The following GRM3 variants were observed in gnomAD, a reference collection of about 807,000 sequenced individuals.
GRM3 encodes metabotropic glutamate receptor 3.
Under a neutral mutation model 70.5 loss-of-function variants are expected in GRM3, and 26 were observed. That is an observed-to-expected ratio of 0.37 (90% CI 0.27 to 0.51). The LOEUF is 0.51. Ranked by LOEUF, GRM3 falls within the 20% of genes least tolerant of loss-of-function variation. The probability of loss-of-function intolerance (pLI) is 0.93; values close to 1 mark genes in which losing one functional copy is unlikely to be tolerated. For missense variants in GRM3, 859 were observed against 1,123.8 expected (o/e 0.76, Z 3.37); for synonymous variants, 443 against 434.9 (o/e 1.02, Z -0.23).
At chr7:86,670,888 T>C (rs1362200587) in intron 1 of GRM3, among the ~76,000 whole-genome samples, 1 of 152,208 alleles carries the variant, frequency 6.6e-6, no homozygotes, top group Admixed American at 6.6e-5. Flanking sequence ...TACTGTGTTT[T>C]CTTGACCTTT....
At chr7:86,748,277 C>T (rs376670297) in intron 1 of GRM3, among the ~76,000 whole-genome samples, 1 of 152,008 alleles carries the variant, frequency 6.6e-6, no homozygotes, top group African/African-American at 2.4e-5. Flanking sequence ...ACCCTTGACT[C>T]TTTATTTAAC....
At chr7:86,821,696 GGT>G (rs1798123770) in intron 3 of GRM3, among the ~76,000 whole-genome samples, 2 of 152,206 alleles carry the variant, frequency 1.3e-5, no homozygotes, top group Admixed American at 6.5e-5. Context: ...ATTCCTCGAA[GGT>G]GAATCATATT....
At position 86,787,037 on chromosome 7, in the gene GRM3, T is replaced by C. The variant is rs377736902; in HGVS notation, c.1245T>C (p.Thr415=). 6.4e-5 allele frequency: 104 copies of C among 1,613,204 alleles called. No individual in the cohort carries two copies. Among genetic ancestry groups the C allele is most frequent in the Non-Finnish European group, 8.7e-5 (103 of 1,179,522 alleles). ...TGCAGCGCACCCTCTGTCCCAACAC[T>C]ACCAAGCTTTGTGATGCTATGAAGA... is the stretch of plus-strand genomic sequence containing the variant. ...HKMQRTLCPN[T]TKLCDAMKIL... The change falls in exon 3 of 6, where the codon ACT becomes ACC. Residue 415 remains threonine (T), a synonymous_variant. Transcript: ENST00000361669.
chr7:86,807,401 T>C (rs1053400629), intron 3 of GRM3, among the ~76,000 whole-genome samples: 1 of 147,190 alleles, frequency 6.8e-6, no homozygotes, highest in South Asian at 2.1e-4. Context: ...TCCATTTGTT[T>C]GTGTCCTCTT....
chr7:86,729,872 C>CCT (rs1175124017), intron 1 of GRM3, among the ~76,000 whole-genome samples: 1 of 152,104 alleles, frequency 6.6e-6, no homozygotes, highest in Non-Finnish European at 1.5e-5. Context: ...CTTTGGGAGG[C>CCT]TGAGGTGGGT....
intron 2 of GRM3, among the ~76,000 whole-genome samples, chr7:86,770,307 T>C (rs1584228439): frequency 2.6e-5 from 4 of 152,074 alleles, no homozygotes; most frequent in African/African-American, 7.2e-5. Flanking sequence ...GTTAAGCTCA[T>C]AGAAAGGGCA....
chr7:86,724,125 A>G (rs936793581), intron 1 of GRM3, among the ~76,000 whole-genome samples: 1 of 152,192 alleles, frequency 6.6e-6, no homozygotes, highest in Non-Finnish European at 1.5e-5. Context: ...ACGCTTTCCA[A>G]TAACATGAGC....
At chr7:86,721,820 T>C (rs1399653887) in intron 1 of GRM3, among the ~76,000 whole-genome samples, 10 of 152,092 alleles carry the variant, frequency 6.6e-5, no homozygotes, top group Non-Finnish European at 1.5e-4. Context: ...AGGCACTTTG[T>C]AGGCAGAACA....
intron 3 of GRM3, among the ~76,000 whole-genome samples, chr7:86,792,087 C>T (rs1260292265): frequency 6.6e-6 from 1 of 152,074 alleles, no homozygotes; most frequent in Non-Finnish European, 1.5e-5. Context: ...AAAAGGAAGT[C>T]GAGAGGTCTA....
intron 1 of GRM3, among the ~76,000 whole-genome samples, chr7:86,672,216 AG>A (rs1794188994): frequency 6.6e-6 from 1 of 152,116 alleles, no homozygotes; most frequent in East Asian, 1.9e-4. Context: ...TTTCCAGCTC[AG>A]GATTGTTGAC....
intron 1 of GRM3, among the ~76,000 whole-genome samples, chr7:86,754,670 A>T (rs892966241): frequency 6.6e-6 from 1 of 152,174 alleles, no homozygotes; most frequent in Non-Finnish European, 1.5e-5. Flanking sequence ...AAATTTTATT[A>T]TCTTTAATGT....
intron 1 of GRM3, among the ~76,000 whole-genome samples, chr7:86,700,478 C>T (rs531540146): frequency 6.6e-6 from 1 of 151,948 alleles, no homozygotes; most frequent in East Asian, 1.9e-4. Flanking sequence ...CATCAGTCCC[C>T]AGCTACTAAC....
chr7:86,740,877 G>T (rs1001460749), intron 1 of GRM3, among the ~76,000 whole-genome samples: 2 of 152,066 alleles, frequency 1.3e-5, no homozygotes, highest in African/African-American at 4.8e-5. Context: ...TTTTTCCTGT[G>T]GTAGTCTATT....
rs531817241 is a variant in GRM3, at chr7:86,698,789, A to G, written c.-141+53917A>G. 1.1e-4 allele frequency among the ~76,000 whole-genome samples: 16 copies of G among 152,232 alleles called. No individual in the cohort carries two copies. In the South Asian group the frequency reaches 1.9e-3, roughly 18 times the overall value. Reference sequence around the variant, plus strand: ...AAGAACACTTTCCCAGAAAAGGGCCATAGCAGCAGTAGCTGCCTCATCTGA... The same window carrying G: ...AAGAACACTTTCCCAGAAAAGGGCCGTAGCAGCAGTAGCTGCCTCATCTGA... On this transcript the variant is annotated intron_variant, in intron 1 of 5. Coordinates refer to ENST00000361669, the MANE Select transcript of GRM3 (RefSeq NM_000840.3).
intron 1 of GRM3, among the ~76,000 whole-genome samples, chr7:86,726,701 C>T (rs555161280): frequency 7.2e-5 from 11 of 152,286 alleles, no homozygotes; most frequent in East Asian, 5.8e-4. Context: ...ACTTTTCAAG[C>T]ACATAGTTAA....
At chr7:86,649,169 G>A (rs950759158) in intron 1 of GRM3, among the ~76,000 whole-genome samples, 8 of 152,150 alleles carry the variant, frequency 5.3e-5, no homozygotes, top group Admixed American at 4.6e-4. Context: ...TCCCTCCTGA[G>A]GTCCCAAAGT....
At chr7:86,766,201 T>G (rs1024556328) in intron 2 of GRM3, among the ~76,000 whole-genome samples, 1 of 152,092 alleles carries the variant, frequency 6.6e-6, no homozygotes, top group African/African-American at 2.4e-5. Flanking sequence ...CAAGGTAAGA[T>G]GAAATAATAA....
intron 3 of GRM3, among the ~76,000 whole-genome samples, chr7:86,796,862 G>T (rs1324396581): frequency 6.6e-6 from 1 of 152,088 alleles, no homozygotes; most frequent in Non-Finnish European, 1.5e-5. Flanking sequence ...TGAATCATGG[G>T]GGCAGGTCTT....
chr7:86,673,469 C>G (rs1185452314), intron 1 of GRM3, among the ~76,000 whole-genome samples: 1 of 152,088 alleles, frequency 6.6e-6, no homozygotes, highest in African/African-American at 2.4e-5. Flanking sequence ...AGCCTTCTGT[C>G]TACATTTTCA....
Sources: allele counts gnomAD v4.1 joint callset (sites outside exome capture counted in the v4.1 genomes callset), GRCh38; gene constraint gnomAD v4.1.1; transcripts MANE v1.5; gene names NCBI Gene and HGNC (gene_info 2026-07-23, HGNC 2026-07-21).